CCNK: variants seen among roughly 807,000 people sequenced by gnomAD.
CCNK encodes cyclin K.
In CCNK, 9 loss-of-function variants were observed where a neutral mutation model predicts 65.0. The ratio of observed to expected loss-of-function variants is 0.14; its 90% CI spans 0.08 to 0.24. The LOEUF (loss-of-function observed/expected upper bound fraction) is 0.24. CCNK is among the 10% of genes least tolerant of loss of function. The probability of loss-of-function intolerance (pLI) is 1.00; values close to 1 mark genes in which losing one functional copy is unlikely to be tolerated. For synonymous variants in CCNK, 279 were observed against 270.8 expected, an observed-to-expected ratio of 1.03 and a Z score of -0.30; for missense variants, 474 against 720.0, an observed-to-expected ratio of 0.66 and a Z score of 3.91.
intron 1 of CCNK, among the ~76,000 whole-genome samples, chr14:99,485,074 A>C (rs1360156119): frequency 1.3e-5 from 2 of 152,184 alleles, no homozygotes; most frequent in African/African-American, 4.8e-5. Flanking sequence ...AGGTTTATAG[A>C]CCTGAGGCAA....
Position 99,502,806 on chromosome 14 carries a change from C to G in CCNK, c.833C>G (p.Ser278Cys), listed in dbSNP as rs1375078716. 6.2e-7 allele frequency: 1 copy of G among 1,613,892 alleles called. No individual in the cohort carries two copies. Among genetic ancestry groups the G allele is most frequent in the Middle Eastern group, 1.6e-4 (1 of 6,062 alleles). Residue 278 changes from serine to cysteine, a missense_variant, in exon 8 of 11, where the codon TCT (serine) becomes TGT (cysteine). Around this residue, in one of 6 missense-constraint regions of CCNK, gnomAD observed 229 missense variants for 275.5 expected, o/e 0.83. Coordinates refer to ENST00000389879, the MANE Select transcript of CCNK (RefSeq NM_001099402.2). The part of the protein sequence containing the change: ...HTPHQLQQPP[S>C]LQPTPQVPQV... ...CCCCATCAGCTGCAACAGCCCCCAT[C>G]TCTTCAGCCTACACCACAAGTGCCG...
intron 7 of CCNK, 130 bp downstream of exon 7, chr14:99,502,506 A>G (rs1896858341): frequency 7.2e-7 from 1 of 1,394,150 alleles, no homozygotes; most frequent in Admixed American, 2.8e-5. Flanking sequence ...AGCATCATTA[A>G]TTAAATTATC....
chr14:99,501,615 G>C (rs1002355041), intron 6 of CCNK: 4 of 539,794 alleles, frequency 7.4e-6, no homozygotes, highest in Admixed American at 3.5e-5. Flanking sequence ...GCCGTGTCAT[G>C]GTGTTGTGAG....
chr14:99,510,507 C>T lies in CCNK; in HGVS notation c.1468C>T (p.Pro490Ser), dbSNP rs1257072835. The T allele has an allele frequency of 5.5e-6, 4 of 732,752 alleles. No individual in the cohort carries two copies. The highest frequency in any genetic ancestry group is 8.0e-6 in the Non-Finnish European group (4 of 500,048). 45.4% of individuals were successfully genotyped at this position (732,752 alleles called of 1,614,324 possible). A position where few individuals can be genotyped will look rare whatever the true frequency, so the allele number is the denominator to read the frequency against. Residue 490 changes from proline (P) to serine (S), a missense_variant, in exon 11 of 11, where the codon CCC becomes TCC. Transcript: ENST00000389879. ...CCCGCCCCCGCCACCTGTGCCTCCTCCCCCAGCCTCCTTCCCCCCACCTGC... is the reference window on the plus strand; with the variant it reads ...CCCGCCCCCGCCACCTGTGCCTCCTTCCCCAGCCTCCTTCCCCCCACCTGC... ...PNPPPPPVPP[P>S]PASFPPPAIP...
chr14:99,505,326 T>C (rs1190585614), intron 9 of CCNK: 1 of 152,232 alleles, frequency 6.6e-6, no homozygotes, highest in African/African-American at 2.4e-5. Flanking sequence ...CACTGTGCCA[T>C]GCCGAAGGCT....
At chr14:99,484,057 A>G (rs1896422679) in intron 1 of CCNK, among the ~76,000 whole-genome samples, 5 of 152,252 alleles carry the variant, frequency 3.3e-5, no homozygotes, top group Admixed American at 3.3e-4. Flanking sequence ...AAATAAATAA[A>G]TTTACTTGGT....
chr14:99,493,040 G>A (rs1896628177), intron 2 of CCNK, 166 bp downstream of exon 2: 4 of 695,740 alleles, frequency 5.7e-6, no homozygotes, highest in Non-Finnish European at 6.7e-6. Flanking sequence ...TTTCTGATTT[G>A]TCATTTTAAA....
intron 7 of CCNK, 153 bp from the exon 8 acceptor site, chr14:99,502,566 C>T: frequency 1.7e-6 from 2 of 1,207,908 alleles, no homozygotes; most frequent in South Asian, 3.2e-5. Flanking sequence ...ACTAAAAATA[C>T]ACACCAGTGT....
chr14:99,489,322 G>A (rs1327915231), intron 1 of CCNK, among the ~76,000 whole-genome samples: 1 of 152,054 alleles, frequency 6.6e-6, no homozygotes, highest in East Asian at 1.9e-4. Context: ...AAATGTGTTT[G>A]AAAATTACAA....
intron 7 of CCNK, 133 bp from the exon 8 acceptor site, chr14:99,502,586 C>T (rs988646721): frequency 2.0e-5 from 24 of 1,205,610 alleles, no homozygotes; most frequent in Middle Eastern, 2.1e-4. Flanking sequence ...TTGCACACAA[C>T]GAAGATGGGG....
chr14:99,502,127 A>G lies in CCNK; in HGVS notation c.576-80A>G. ...GGGGAGAATAAGCAAATTAATGGTTAGTTATGGCATCTCCATGCACTGGTT... is the reference window on the plus strand; with the variant it reads ...GGGGAGAATAAGCAAATTAATGGTTGGTTATGGCATCTCCATGCACTGGTT... On this transcript the variant is annotated intron_variant, in intron 6 of 10. Coordinates refer to ENST00000389879, the MANE Select transcript of CCNK (RefSeq NM_001099402.2). 4.4e-6 allele frequency: 6 copies of G among 1,378,792 alleles called. No homozygotes were observed. In the Middle Eastern group the frequency reaches 6.2e-4, roughly 144 times the overall value. The allele number at this position is 1,378,792 out of a possible 1,614,324, so 85.4% of individuals were successfully genotyped here.
chr14:99,498,637 TG>T (rs1473703029), intron 4 of CCNK, among the ~76,000 whole-genome samples: 2 of 152,178 alleles, frequency 1.3e-5, no homozygotes, highest in African/African-American at 4.8e-5. Flanking sequence ...AGAACAGACA[TG>T]GTCTCTGCTC....
chr14:99,481,644 G>T (rs1047053296), intron 1 of CCNK, 165 bp downstream of exon 1: 9 of 389,498 alleles, frequency 2.3e-5, no homozygotes, highest in South Asian at 1.4e-4. Context: ...GGCGACGCGG[G>T]GTTGTGGGGC....
chr14:99,503,520 G>T, intron 8 of CCNK, 91 bp from the exon 9 acceptor site: 1 of 1,129,740 alleles, frequency 8.9e-7, no homozygotes. Flanking sequence ...AGTGACTGCC[G>T]TCGCTGATTC....
At chr14:99,499,973 A>AG (rs1383704827) in intron 4 of CCNK, among the ~76,000 whole-genome samples, 1 of 152,198 alleles carries the variant, frequency 6.6e-6, no homozygotes, top group Non-Finnish European at 1.5e-5. Flanking sequence ...AATTTGAGTG[A>AG]GGGGGACATG....
Position 99,492,818 on chromosome 14 carries a change from C to G in CCNK, c.141C>G (p.Ala47=). The change falls in exon 2 of 11, where the codon GCC becomes GCG. Residue 47 remains alanine, a synonymous_variant. Transcript: ENST00000389879. ...AAGGACTTGATCCAGCCACCGAGGCCCGGTACCGCCGAGAGGGCGCTCGGT... is the reference window on the plus strand; with the variant it reads ...AAGGACTTGATCCAGCCACCGAGGCGCGGTACCGCCGAGAGGGCGCTCGGT... The part of the protein sequence containing the change: ...QLEGLDPATE[A]RYRREGARFI... 1 of 1,611,642 alleles carries G rather than the reference C, an allele frequency of 6.2e-7. No individual in the cohort carries two copies. The highest frequency in any genetic ancestry group is 8.5e-7 in the Non-Finnish European group (1 of 1,179,312).
intron 1 of CCNK, among the ~76,000 whole-genome samples, chr14:99,488,577 G>A (rs1409335454): frequency 6.6e-6 from 1 of 152,164 alleles, no homozygotes; most frequent in African/African-American, 2.4e-5. Flanking sequence ...TACATAGGTA[G>A]GTGATATTTA....
chr14:99,501,500 T>C, intron 6 of CCNK, 87 bp downstream of exon 6: 5 of 952,204 alleles, frequency 5.3e-6, no homozygotes, highest in Admixed American at 1.9e-5. Context: ...CCTCATTTTG[T>C]GTCAGAAGAA....
At chr14:99,482,119 T>G (rs896079624) in intron 1 of CCNK, among the ~76,000 whole-genome samples, 1 of 152,242 alleles carries the variant, frequency 6.6e-6, no homozygotes, top group Non-Finnish European at 1.5e-5. Context: ...TAAACGATTG[T>G]CTGCCCAAGA....
Sources: gnomAD v4.1 joint callset for allele counts (sites outside exome capture counted in the v4.1 genomes callset) on GRCh38, gnomAD v4.1.1 for gene constraint, gnomAD v4.1.1 regional missense constraint, MANE v1.5 for transcripts, NCBI Gene and HGNC (gene_info 2026-07-23, HGNC 2026-07-21) for gene names.